Variants in COL11A1 observed in about 807,000 individuals in gnomAD.
The protein encoded by COL11A1 is collagen type XI alpha 1 chain.
In COL11A1, 74 loss-of-function variants were observed where a neutral mutation model predicts 265.2. The observed-to-expected ratio is 0.28, with a 90% CI of 0.23 to 0.34. The LOEUF is 0.34. COL11A1 is among the 10% of genes least tolerant of loss of function. The probability of loss-of-function intolerance (pLI) is 1.00; values close to 1 mark genes in which losing one functional copy is unlikely to be tolerated. For synonymous variants in COL11A1, 816 were observed against 727.6 expected, an observed-to-expected ratio of 1.12 and a Z score of -1.96; for missense variants, 2,165 against 2,263.6, an observed-to-expected ratio of 0.96 and a Z score of 0.88.
chr1:102,895,416 G>T (rs1177141521), intron 57 of COL11A1, among the ~76,000 whole-genome samples: 2 of 152,112 alleles, frequency 1.3e-5, no homozygotes, highest in Non-Finnish European at 2.9e-5. Context: ...TGTCTTGGTA[G>T]CTTTATCTCA....
intron 1 of COL11A1, among the ~76,000 whole-genome samples, chr1:103,103,107 AC>A (rs1317815128): frequency 4.0e-5 from 6 of 151,882 alleles, no homozygotes; most frequent in African/African-American, 1.5e-4. Context: ...CAAAATAAAA[AC>A]CTTTATTAGA....
In COL11A1 at chr1:103,006,268, T is replaced by A. The variant is rs768140429; in HGVS notation, c.1731A>T (p.Gly577=). 1.9e-6 allele frequency: 3 copies of A among 1,608,782 alleles called. No individual in the cohort carries two copies. Among genetic ancestry groups the A allele is most frequent in the Non-Finnish European group, 2.5e-6 (3 of 1,177,364 alleles). ...CAATGAAAATAAGCCATACCCTTTT[T>A]CCAGGTTTTCCCGTTGGACCAGGGG... is the stretch of plus-strand genomic sequence containing the variant. The part of the protein sequence containing the change: ...QGPPGPTGKP[G]KRGRPGADGG... Residue 577 remains glycine, a synonymous_variant, in exon 16 of 67, where the codon GGA becomes GGT. Transcript: ENST00000370096.
At chr1:103,012,207 C>T (rs1666188199) in intron 14 of COL11A1, among the ~76,000 whole-genome samples, 1 of 151,888 alleles carries the variant, frequency 6.6e-6, no homozygotes, top group South Asian at 2.1e-4. Context: ...TTTATTTATT[C>T]AATTTAAAAT....
chr1:102,969,580 G>A (rs895196656), intron 37 of COL11A1, among the ~76,000 whole-genome samples: 2 of 152,178 alleles, frequency 1.3e-5, no homozygotes, highest in Admixed American at 6.5e-5. Context: ...AACCATCACT[G>A]AGCTGCCAGT....
At chr1:102,916,967 A>T (rs1655410151) in intron 49 of COL11A1, among the ~76,000 whole-genome samples, 1 of 151,944 alleles carries the variant, frequency 6.6e-6, no homozygotes, top group Admixed American at 6.6e-5. Context: ...TCAATTGTAA[A>T]ATGTCCATGT....
rs768428297 is a variant in COL11A1, at chr1:102,935,060, A to C, written c.3492T>G (p.Ala1164=). 1 of 1,613,984 alleles carries C rather than the reference A, an allele frequency of 6.2e-7. No homozygotes were observed. The highest frequency in any genetic ancestry group is 2.2e-5 in the East Asian group (1 of 44,874). Residue 1164 remains alanine (A), a splice_region_variant and synonymous_variant, in exon 45 of 67, where the codon GCT becomes GCG. Transcript: ENST00000370096. ...TTGCTGAACAATGTGGAATACTCACAGCAATTCCAGGGGCACCAACTGGTC... is the reference window on the plus strand; with the variant it reads ...TTGCTGAACAATGTGGAATACTCACCGCAATTCCAGGGGCACCAACTGGTC... ...LQGPVGAPGI[A]GGDGEPGPRG... is the part of the protein sequence containing the mutation.
intron 42 of COL11A1, among the ~76,000 whole-genome samples, chr1:102,945,951 G>T (rs1044453705): frequency 6.7e-6 from 1 of 148,670 alleles, no homozygotes. Flanking sequence ...TGATAGACTG[G>T]ATTAAGAAAA....
At position 103,074,662 on chromosome 1, in the gene COL11A1, T is replaced by C. The variant is rs770403134; in HGVS notation, c.607A>G (p.Ile203Val). ...SERAIVDTNGITVFGTRILDE... is the reference protein window; with the variant it reads ...SERAIVDTNGVTVFGTRILDE... The stretch of plus-strand genomic sequence containing the variant: ...AAAATCCTTGTTCCAAAAACCGTGA[T>C]TCCATTGGTATCAACAATTGCTCTC... Residue 203 changes from isoleucine (I) to valine (V), a missense_variant, in exon 4 of 67, where the codon ATC (isoleucine) becomes GTC (valine). By Grantham distance (29) the Ile-to-Val change is conservative. Coordinates refer to ENST00000370096, the MANE Select transcript of COL11A1 (RefSeq NM_001854.4). 6 of 1,613,282 alleles carry C rather than the reference T, an allele frequency of 3.7e-6. No individual in the cohort carries two copies. The African/African-American group carries it at 8.0e-5, about 22-fold the overall frequency.
intron 4 of COL11A1, among the ~76,000 whole-genome samples, chr1:103,069,952 G>A (rs1671447971): frequency 6.6e-6 from 1 of 151,796 alleles, no homozygotes; most frequent in African/African-American, 2.4e-5. Context: ...ATACACTGCT[G>A]AAGGGAGTAT....
chr1:103,055,688 A>T (rs1356620585), intron 4 of COL11A1, among the ~76,000 whole-genome samples: 1 of 152,222 alleles, frequency 6.6e-6, no homozygotes, highest in Non-Finnish European at 1.5e-5. Flanking sequence ...GAGGCTTTGA[A>T]TGTGGCCCAA....
intron 7 of COL11A1, among the ~76,000 whole-genome samples, chr1:103,023,366 C>CTTTTTTTT (rs762224006): frequency 2.1e-5 from 3 of 144,258 alleles, no homozygotes; most frequent in Non-Finnish European, 4.6e-5. Flanking sequence ...ATGTTTTTTT[C>CTTTTTTTT]TTTCTTTTTT....
chr1:103,028,856 A>C (rs1390224409), intron 5 of COL11A1, among the ~76,000 whole-genome samples: 1 of 152,164 alleles, frequency 6.6e-6, no homozygotes, highest in African/African-American at 2.4e-5. Flanking sequence ...TTAAGAAAGA[A>C]TATCAAAAGG....
In COL11A1 at chr1:102,898,972, G is replaced by C; in HGVS notation, c.4109C>G (p.Ala1370Gly). ...GKRGPPGAAG[A>G]EGRQGEKGAK... ...ACCTTTTTCACCTTGTCTTCCCTCT[G>C]CACCTGCAGCTCCAGGAGGACCCTA... Residue 1370 changes from alanine to glycine, a missense_variant, in exon 55 of 67, where the codon GCA becomes GGA. Ala to Gly is a moderately conservative substitution (Grantham distance 60). Coordinates refer to ENST00000370096, the MANE Select transcript of COL11A1 (RefSeq NM_001854.4). The C allele has an allele frequency of 6.5e-7, 1 of 1,538,504 alleles. No individual in the cohort carries two copies. The highest frequency in any genetic ancestry group is 8.8e-7 in the Non-Finnish European group (1 of 1,134,282).
At chr1:103,088,790 G>C (rs960314301) in intron 1 of COL11A1, among the ~76,000 whole-genome samples, 1 of 152,164 alleles carries the variant, frequency 6.6e-6, no homozygotes, top group Non-Finnish European at 1.5e-5. Flanking sequence ...GATACAAAGA[G>C]AGTAAAGAGT....
intron 3 of COL11A1, among the ~76,000 whole-genome samples, chr1:103,078,165 C>A (rs1384515360): frequency 6.6e-6 from 1 of 152,094 alleles, no homozygotes; most frequent in Non-Finnish European, 1.5e-5. Flanking sequence ...TCTGGCCTCC[C>A]TCTGCTTCTC....
intron 9 of COL11A1, among the ~76,000 whole-genome samples, chr1:103,021,365 C>T (rs1158786103): frequency 1.3e-5 from 2 of 151,936 alleles, no homozygotes; most frequent in African/African-American, 4.8e-5. Context: ...AGTAGGAAAG[C>T]TAAAAGTCCT....
At position 102,936,524 on chromosome 1, in the gene COL11A1, C is replaced by T. The variant is rs181908320; in HGVS notation, c.3439-1411G>A. Among the ~76,000 whole-genome samples, 92 of 152,214 alleles carry T rather than the reference C, an allele frequency of 6.0e-4. 1 individual carries two copies. Among genetic ancestry groups the T allele is most frequent in the African/African-American group, 2.2e-3 (91 of 41,558 alleles). ...AACTGACAGTATTTACTGTCAATAA[C>T]GTTCAAACTTTAAAGCAAAAATTAG... On this transcript the variant is annotated intron_variant, in intron 44 of 66. Transcript: ENST00000370096.
At chr1:102,878,475 CATATATATATATAT>C (rs57574729) in intron 66 of COL11A1, among the ~76,000 whole-genome samples, 14,329 of 49,936 alleles carry the variant, frequency 0.29, 1,651 homozygotes, top group Middle Eastern at 0.57. Context: ...ATTGAATCCT[CATATATATATATAT>C]ATATATATAT....
intron 54 of COL11A1, among the ~76,000 whole-genome samples, chr1:102,907,086 C>T (rs1024175107): frequency 3.3e-5 from 5 of 151,910 alleles, no homozygotes; most frequent in Non-Finnish European, 5.9e-5. Context: ...ATATTATGCT[C>T]GATCGGGCTG....
Sources: allele counts gnomAD v4.1 joint callset (sites outside exome capture counted in the v4.1 genomes callset), GRCh38; gene constraint gnomAD v4.1.1; transcripts MANE v1.5; gene names NCBI Gene and HGNC (gene_info 2026-07-23, HGNC 2026-07-21).